BACH2: variants seen among roughly 807,000 people sequenced by gnomAD.
BACH2 encodes BACH transcriptional regulator 2, also known as transcription regulator protein BACH2.
A neutral mutation model predicts 61.8 loss-of-function variants in BACH2; 5 were observed. That is an observed-to-expected ratio of 0.08 (90% confidence interval 0.04 to 0.17). The LOEUF (loss-of-function observed/expected upper bound fraction) is 0.17, where lower values mean the gene tolerates loss of function less well. BACH2 is among the 10% of genes least tolerant of loss of function. BACH2 has a pLI of 1.00. For synonymous variants in BACH2, 446 were observed against 440.1 expected (o/e 1.01, Z -0.17); for missense variants, 824 against 1,091.1 (o/e 0.76, Z 3.45).
intron 4 of BACH2, among the ~76,000 whole-genome samples, chr6:90,168,283 G>C (rs1767698042): frequency 6.6e-6 from 1 of 152,188 alleles, no homozygotes; most frequent in African/African-American, 2.4e-5. Flanking sequence ...GAGCCCAGGA[G>C]GCAGAGGATG....
chr6:90,120,921 G>A (rs1783598165), intron 4 of BACH2, among the ~76,000 whole-genome samples: 1 of 141,196 alleles, frequency 7.1e-6, no homozygotes, highest in Non-Finnish European at 1.6e-5. Context: ...TGTGAAAATA[G>A]TTATTTGTAT....
chr6:90,056,182 G>A (rs1177337797), intron 5 of BACH2, among the ~76,000 whole-genome samples: 1 of 152,154 alleles, frequency 6.6e-6, no homozygotes, highest in Non-Finnish European at 1.5e-5. Context: ...CTGGCAAATT[G>A]GATAAAGAGT....
At chr6:89,947,904 A>G (rs1773843635) in intron 7 of BACH2, among the ~76,000 whole-genome samples, 1 of 152,022 alleles carries the variant, frequency 6.6e-6, no homozygotes, top group Admixed American at 6.6e-5. Flanking sequence ...AAATAAGAGT[A>G]TTTTTAAAAG....
At chr6:90,091,773 T>C (rs1290993156) in intron 4 of BACH2, among the ~76,000 whole-genome samples, 1 of 152,084 alleles carries the variant, frequency 6.6e-6, no homozygotes, top group Admixed American at 6.6e-5. Flanking sequence ...TTGGGAGTGA[T>C]TTAAATTGAT....
At chr6:90,191,822 A>G (rs1175233182) in intron 4 of BACH2, among the ~76,000 whole-genome samples, 1 of 152,250 alleles carries the variant, frequency 6.6e-6, no homozygotes, top group African/African-American at 2.4e-5. Flanking sequence ...TCAAATATCT[A>G]CAAAGGACAA....
intron 3 of BACH2, among the ~76,000 whole-genome samples, chr6:90,236,360 G>T (rs572726834): frequency 1.3e-5 from 2 of 152,172 alleles, no homozygotes; most frequent in Non-Finnish European, 2.9e-5. Flanking sequence ...GGGACCTCAG[G>T]CCTGCATGGT....
At chr6:90,041,025 G>C (rs1353874340) in intron 5 of BACH2, among the ~76,000 whole-genome samples, 2 of 152,132 alleles carry the variant, frequency 1.3e-5, no homozygotes, top group Non-Finnish European at 1.5e-5. Context: ...ACAAACATTA[G>C]TTTAACCTCG....
At chr6:90,029,719 G>A (rs114122717) in intron 5 of BACH2, among the ~76,000 whole-genome samples, 2,300 of 152,280 alleles carry the variant, frequency 0.015, 58 homozygotes, top group African/African-American at 0.052. Context: ...TGTCACTTCT[G>A]TTTCTGCTGA....
Position 90,253,080 on chromosome 6 carries a change from C to T in BACH2, c.-352-490G>A, listed in dbSNP as rs545057978. ...GGTAACATGGCAAAACTCGTCTCTA[C>T]AAGACATACACAAATTAGCTAGGCA... On this transcript the variant is annotated intron_variant, in intron 2 of 8. Coordinates refer to ENST00000257749, the MANE Select transcript of BACH2 (RefSeq NM_021813.4). Among the ~76,000 whole-genome samples, 46 of 152,266 alleles carry T rather than the reference C, an allele frequency of 3.0e-4. No individual in the cohort carries two copies. The South Asian group carries it at 9.3e-3, about 31-fold the overall frequency.
intron 5 of BACH2, among the ~76,000 whole-genome samples, chr6:90,032,800 G>A (rs560710899): frequency 4.2e-4 from 64 of 152,268 alleles, no homozygotes; most frequent in Non-Finnish European, 8.8e-5. Flanking sequence ...TCAGTGTGGC[G>A]ATTCCTCAGG....
chr6:90,112,787 C>T (rs1783232055), intron 4 of BACH2, among the ~76,000 whole-genome samples: 1 of 152,126 alleles, frequency 6.6e-6, no homozygotes, highest in Non-Finnish European at 1.5e-5. Flanking sequence ...CTAAATGCCC[C>T]ACTTAAAAGG....
intron 5 of BACH2, among the ~76,000 whole-genome samples, chr6:90,039,528 G>A (rs891938427): frequency 6.6e-6 from 1 of 152,152 alleles, no homozygotes; most frequent in Non-Finnish European, 1.5e-5. Context: ...GGGACCACAG[G>A]TGCGTGCTAC....
intron 2 of BACH2, among the ~76,000 whole-genome samples, chr6:90,265,114 C>A (rs1316820863): frequency 6.6e-6 from 1 of 152,168 alleles, no homozygotes; most frequent in East Asian, 1.9e-4. Flanking sequence ...GAACTCTCTC[C>A]TTTAATTATA....
At chr6:90,268,108 A>T in intron 2 of BACH2, among the ~76,000 whole-genome samples, 1 of 150,296 alleles carries the variant, frequency 6.7e-6, no homozygotes, top group East Asian at 2.0e-4. Flanking sequence ...TCCTGGGTTC[A>T]GGCAATTCTC....
At chr6:90,167,939 G>A (rs77010366) in intron 4 of BACH2, among the ~76,000 whole-genome samples, 5,348 of 152,274 alleles carry the variant, frequency 0.035, 141 homozygotes, top group East Asian at 0.088. Context: ...ACACATGGAT[G>A]TAAAAGTCAT....
intron 5 of BACH2, among the ~76,000 whole-genome samples, chr6:90,030,944 A>T (rs1324078007): frequency 7.7e-6 from 1 of 130,256 alleles, no homozygotes; most frequent in Admixed American, 7.1e-5. Flanking sequence ...ACATTGATGC[A>T]AAAATCCTCA....
At chr6:90,116,284 C>T (rs939483499) in intron 4 of BACH2, among the ~76,000 whole-genome samples, 13 of 152,268 alleles carry the variant, frequency 8.5e-5, no homozygotes, top group African/African-American at 2.9e-4. Flanking sequence ...AAATGTGGTA[C>T]ATATACATCA....
At chr6:90,208,942 G>A (rs1769244700) in intron 3 of BACH2, among the ~76,000 whole-genome samples, 1 of 150,942 alleles carries the variant, frequency 6.6e-6, no homozygotes, top group Non-Finnish European at 1.5e-5. Context: ...TCTCAGCAAA[G>A]TAACACAAGA....
At chr6:89,944,306 A>G (rs773960743) in intron 7 of BACH2, among the ~76,000 whole-genome samples, 37 of 152,232 alleles carry the variant, frequency 2.4e-4, no homozygotes, top group Non-Finnish European at 8.8e-5. Context: ...GAAAGTTTCA[A>G]CTGCCTGATA....
Sources: allele counts gnomAD v4.1 joint callset (sites outside exome capture counted in the v4.1 genomes callset), GRCh38; gene constraint gnomAD v4.1.1; transcripts MANE v1.5; gene names NCBI Gene and HGNC (gene_info 2026-07-23, HGNC 2026-07-21).